Variants in ACAD10 observed in about 807,000 individuals in gnomAD.
ACAD10 encodes the protein acyl-CoA dehydrogenase family member 10.
In ACAD10, 112 loss-of-function variants were observed where a neutral mutation model predicts 116.8. That is an observed-to-expected ratio of 0.96 (90% CI 0.82 to 1.12). The LOEUF is 1.12. Among genes scored for constraint, ACAD10 ranks in the 50% most tolerant of loss-of-function variants. The pLI, the probability that ACAD10 is intolerant of heterozygous loss-of-function variation, is 0.00. For synonymous variants in ACAD10, 486 were observed against 510.6 expected (o/e 0.95, Z 0.65); for missense variants, 1,259 against 1,350.2 (o/e 0.93, Z 1.06).
intron 6 of ACAD10, among the ~76,000 whole-genome samples, chr12:111,715,011 CA>C (rs1888801030): frequency 1.3e-5 from 2 of 152,136 alleles, no homozygotes; most frequent in Admixed American, 1.3e-4. Flanking sequence ...CGCACCTGGC[CA>C]AAGAAGACAT....
In ACAD10 at chr12:111,757,094, G is replaced by A. The variant is rs1284426917; in HGVS notation, c.*621G>A. ...ACAGAAGAATAAGTAAACACATCTC[G>A]GAGGCTTTGTGGACTTTCTGTGTCA... is the stretch of plus-strand genomic sequence containing the variant. On this transcript the variant is annotated 3_prime_UTR_variant, in exon 21 of 21. Coordinates refer to ENST00000313698, the MANE Select transcript of ACAD10 (RefSeq NM_025247.6). 1.4e-5 allele frequency: 5 copies of A among 353,282 alleles called. No homozygotes were observed. Among genetic ancestry groups the A allele is most frequent in the Admixed American group, 7.6e-5 (2 of 26,352 alleles). 21.9% of individuals were successfully genotyped at this position (353,282 alleles called of 1,614,324 possible).
intron 12 of ACAD10, among the ~76,000 whole-genome samples, chr12:111,744,179 CA>C (rs1160033361): frequency 6.6e-6 from 1 of 152,110 alleles, no homozygotes; most frequent in Non-Finnish European, 1.5e-5. Context: ...CCTCCAGAGA[CA>C]GTGGTGTCTA....
At chr12:111,743,082 C>T (rs964696689) in intron 12 of ACAD10, among the ~76,000 whole-genome samples, 2 of 152,192 alleles carry the variant, frequency 1.3e-5, no homozygotes, top group African/African-American at 4.8e-5. Context: ...TGGGTACAGT[C>T]TCTTGGGGAC....
chr12:111,755,450 T>C (rs1890183607), intron 19 of ACAD10, among the ~76,000 whole-genome samples: 1 of 152,046 alleles, frequency 6.6e-6, no homozygotes, highest in African/African-American at 2.4e-5. Flanking sequence ...TGTCCAGGCT[T>C]GAGTGCAGTG....
At chr12:111,727,711 A>ATG (rs1361056695) in intron 8 of ACAD10, among the ~76,000 whole-genome samples, 3 of 151,862 alleles carry the variant, frequency 2.0e-5, no homozygotes, top group South Asian at 4.2e-4. Flanking sequence ...ATGGGTGTGC[A>ATG]TGTGTGTGTG....
Position 111,706,778 on chromosome 12 carries a change from A to T in ACAD10, c.531+846A>T, listed in dbSNP as rs1400268664. On this transcript the variant is annotated intron_variant, in intron 4 of 20. Coordinates refer to ENST00000313698, the MANE Select transcript of ACAD10 (RefSeq NM_025247.6). ...TTTATTTTTTTATATATATATATAT[A>T]TATATTTTTTTTTTTGAGACCATCT... Among the ~76,000 whole-genome samples, 877 of 113,436 alleles carry T rather than the reference A, an allele frequency of 7.7e-3. 10 individuals are homozygous for T. The highest frequency in any genetic ancestry group is 0.029 in the African/African-American group (775 of 26,668). 74.4% of individuals were successfully genotyped at this position (113,436 alleles called of 152,430 possible). A position where few individuals can be genotyped will look rare whatever the true frequency, so the allele number is the denominator to read the frequency against.
At chr12:111,750,334 A>T (rs1351653221) in intron 18 of ACAD10, among the ~76,000 whole-genome samples, 1 of 151,314 alleles carries the variant, frequency 6.6e-6, no homozygotes, top group Non-Finnish European at 1.5e-5. Context: ...GTTAGCCAGG[A>T]TGGTCTCGAT....
Position 111,748,344 on chromosome 12 carries a change from G to T in ACAD10, c.2513G>T (p.Cys838Phe), listed in dbSNP as rs148107230. ...ATCCTGGATCCTCGTTGCCAACTCT[G>T]TGTGTTTATGGGAAAAACAGACCCA... is the stretch of plus-strand genomic sequence containing the variant. ...TGILDPRCQL[C>F]VFMGKTDPHA... Residue 838 changes from cysteine (C) to phenylalanine (F), a missense_variant, in exon 17 of 21, where the codon TGT becomes TTT. Coordinates refer to ENST00000313698, the MANE Select transcript of ACAD10 (RefSeq NM_025247.6). 2.5e-6 allele frequency: 4 copies of T among 1,614,108 alleles called. No homozygotes were observed. The African/African-American group carries it at 5.3e-5, about 22-fold the overall frequency.
chr12:111,698,772 G>A (rs57748028), intron 2 of ACAD10, among the ~76,000 whole-genome samples: 4,017 of 152,164 alleles, frequency 0.026, 186 homozygotes, highest in African/African-American at 0.091. Context: ...CACTGCGCCC[G>A]GCCGGTCATA....
chr12:111,715,706 A>G, intron 6 of ACAD10, 115 bp from the exon 7 acceptor site: 1 of 1,432,666 alleles, frequency 7.0e-7, no homozygotes, highest in Non-Finnish European at 9.6e-7. Context: ...CTTGCACTGC[A>G]TGGCAGATGA....
At chr12:111,733,727 T>G in intron 10 of ACAD10, 196 bp from the exon 11 acceptor site, 1 of 605,510 alleles carries the variant, frequency 1.7e-6, no homozygotes, top group African/African-American at 1.8e-5. Flanking sequence ...ATCTCCTGCT[T>G]TTGATTGGCT....
intron 7 of ACAD10, among the ~76,000 whole-genome samples, chr12:111,717,147 A>G (rs1463030871): frequency 1.3e-5 from 2 of 152,094 alleles, no homozygotes; most frequent in Non-Finnish European, 2.9e-5. Context: ...CTTTGAGCTC[A>G]GGCGTTCGAG....
intron 2 of ACAD10, 147 bp downstream of exon 2, chr12:111,693,043 T>A: frequency 1.2e-6 from 1 of 816,654 alleles, no homozygotes; most frequent in Non-Finnish European, 1.9e-6. Context: ...CAAGCACCAC[T>A]AGGGGGCTGA....
At chr12:111,723,283 C>G (rs1417702145) in intron 8 of ACAD10, among the ~76,000 whole-genome samples, 1 of 136,832 alleles carries the variant, frequency 7.3e-6, no homozygotes, top group Non-Finnish European at 1.6e-5. Context: ...AGAGGCGCCC[C>G]TCACCTCCCA....
At chr12:111,755,317 G>T (rs1362882545) in intron 19 of ACAD10, among the ~76,000 whole-genome samples, 1 of 152,114 alleles carries the variant, frequency 6.6e-6, no homozygotes, top group Non-Finnish European at 1.5e-5. Context: ...TGTTGGCCAG[G>T]TTGGTCTCAA....
intron 18 of ACAD10, 95 bp downstream of exon 18, chr12:111,749,440 C>A (rs763834094): frequency 5.5e-6 from 8 of 1,461,554 alleles, no homozygotes; most frequent in South Asian, 1.3e-5. Context: ...TGAGTGCAGT[C>A]CTAGCAGGTG....
chr12:111,705,230 A>G (rs553549755), intron 3 of ACAD10, among the ~76,000 whole-genome samples: 4 of 151,974 alleles, frequency 2.6e-5, no homozygotes, highest in African/African-American at 7.2e-5. Flanking sequence ...TTTAATTGTA[A>G]TATTGATATA....
At chr12:111,753,189 G>GA (rs1286027029) in intron 18 of ACAD10, 136 of 202,854 alleles carry the variant, frequency 6.7e-4, no homozygotes, top group South Asian at 1.3e-3. Flanking sequence ...AATAAAACAA[G>GA]AAAAAAAAAG....
At chr12:111,695,551 C>A (rs1443668217) in intron 2 of ACAD10, among the ~76,000 whole-genome samples, 1 of 152,122 alleles carries the variant, frequency 6.6e-6, no homozygotes, top group African/African-American at 2.4e-5. Flanking sequence ...GGGATTTCTT[C>A]ACTTCACTGT....
Sources: gnomAD v4.1 joint callset for allele counts (sites outside exome capture counted in the v4.1 genomes callset) on GRCh38, gnomAD v4.1.1 for gene constraint, MANE v1.5 for transcripts, NCBI Gene and HGNC (gene_info 2026-07-23, HGNC 2026-07-21) for gene names.